The following SLC45A1 variants were observed in gnomAD, a reference collection of about 807,000 sequenced individuals.
The protein encoded by SLC45A1 is solute carrier family 45 member 1.
In SLC45A1, 28 loss-of-function variants were observed where a neutral mutation model predicts 57.6. The ratio of observed to expected loss-of-function variants is 0.49; its 90% CI spans 0.36 to 0.67. The LOEUF (loss-of-function observed/expected upper bound fraction) is 0.67. SLC45A1 is among the 30% of genes least tolerant of loss of function. The pLI is 0.00. For missense variants in SLC45A1, 814 were observed against 1,041.5 expected (o/e 0.78, Z 3.01); for synonymous variants, 459 against 471.5 (o/e 0.97, Z 0.34).
rs1640224966 is a variant in SLC45A1 at position 8,327,061 on chromosome 1, G to A, written c.715+1019G>A. Among the ~76,000 whole-genome samples the A allele has an allele frequency of 6.6e-6, 1 of 152,228 alleles. No homozygotes were observed. Among genetic ancestry groups the A allele is most frequent in the South Asian group, 2.1e-4 (1 of 4,830 alleles). ...GAGAAGGCAGAGCTCAGCCCTGCGGGGCCTCAGCTGGATCACGCACCCTTG... is the reference window on the plus strand; with the variant it reads ...GAGAAGGCAGAGCTCAGCCCTGCGGAGCCTCAGCTGGATCACGCACCCTTG... On this transcript the variant is annotated intron_variant, in intron 4 of 8. Coordinates refer to ENST00000471889, the MANE Select transcript of SLC45A1 (RefSeq NM_001080397.3). This position sits in a 1 kb window ranked among gnomAD's most constrained non-coding sequence, Gnocchi z 4.3.
At chr1:8,331,705 G>T (rs1640416258) in intron 5 of SLC45A1, among the ~76,000 whole-genome samples, 1 of 152,182 alleles carries the variant, frequency 6.6e-6, no homozygotes, top group African/African-American at 2.4e-5. Flanking sequence ...AACAAGTTCT[G>T]GGCCTGAGTC....
In SLC45A1 at chr1:8,325,793, G is replaced by A. The variant is rs1342233207; in HGVS notation, c.491-25G>A. On this transcript the variant is annotated intron_variant, in intron 3 of 8. Coordinates refer to ENST00000471889, the MANE Select transcript of SLC45A1 (RefSeq NM_001080397.3). This position sits in a 1 kb window ranked among gnomAD's most constrained non-coding sequence, Gnocchi z 6.3. ...ACAGAGCTGGTCTGCATTTTCTTGG[G>A]GTGACTTTGTTTCTCTGTGTCCAGG... 1.2e-6 allele frequency: 2 copies of A among 1,603,870 alleles called. No homozygotes were observed. The highest frequency in any genetic ancestry group is 1.3e-5 in the African/African-American group (1 of 74,784).
chr1:8,335,411 A>G lies in SLC45A1; in HGVS notation c.1444-26A>G. ...TGTGTGATGGGGGTGCGGGGCTCTG[A>G]TGAGGGGTTTGTGGGCTCTTCCCAG... On this transcript the variant is annotated intron_variant, in intron 5 of 8. Transcript: ENST00000471889. The surrounding 1 kb of genome is among the most constrained non-coding windows in gnomAD (Gnocchi z 4.1). The G allele has an allele frequency of 6.4e-7, 1 of 1,566,200 alleles. No individual in the cohort carries two copies.
In SLC45A1 at chr1:8,327,780, C is replaced by T. The variant is rs984504935; in HGVS notation, c.715+1738C>T. Among the ~76,000 whole-genome samples the T allele has an allele frequency of 5.3e-5, 8 of 152,158 alleles. No individual in the cohort carries two copies. Among genetic ancestry groups the T allele is most frequent in the Admixed American group, 2.6e-4 (4 of 15,274 alleles). Reference sequence around the variant, plus strand: ...GCGTGGTGGCTCATGCCTGTAACCCCAGCACTTTGAGAGGCTGAAGTGGGT... The same window carrying T: ...GCGTGGTGGCTCATGCCTGTAACCCTAGCACTTTGAGAGGCTGAAGTGGGT... On this transcript the variant is annotated intron_variant, in intron 4 of 8. Coordinates refer to ENST00000471889, the MANE Select transcript of SLC45A1 (RefSeq NM_001080397.3). This position sits in a 1 kb window ranked among gnomAD's most constrained non-coding sequence, Gnocchi z 4.3.
rs1206580129 is a variant in SLC45A1, at chr1:8,325,040, G to C, written c.398-258G>C. Among the ~76,000 whole-genome samples, 3 of 152,134 alleles carry C rather than the reference G, an allele frequency of 2.0e-5. No individual in the cohort carries two copies. The highest frequency in any genetic ancestry group is 7.2e-5 in the African/African-American group (3 of 41,418). On this transcript the variant is annotated intron_variant, in intron 2 of 8. Transcript: ENST00000471889. The surrounding 1 kb of genome is among the most constrained non-coding windows in gnomAD (Gnocchi z 6.3). ...AGCCTGGAAGGTCCTGAAATTTCTT[G>C]GATTCCCAAGGAAAGTCGTGGCTGC...
In SLC45A1 at chr1:8,328,018, G is replaced by A. The variant is rs1351778182; in HGVS notation, c.715+1976G>A. On this transcript the variant is annotated intron_variant, in intron 4 of 8. Transcript: ENST00000471889. This position sits in a 1 kb window ranked among gnomAD's most constrained non-coding sequence, Gnocchi z 4.6. Reference sequence around the variant, plus strand: ...TGCACTCCAGCCTGAGCAACAGAGTGAGACTTCATCTCAAAATAAATAAAT... The same window carrying A: ...TGCACTCCAGCCTGAGCAACAGAGTAAGACTTCATCTCAAAATAAATAAAT... 3 of 152,294 alleles carry A rather than the reference G, an allele frequency of 2.0e-5. No homozygotes were observed. The highest frequency in any genetic ancestry group is 4.4e-5 in the Non-Finnish European group (3 of 68,046). The allele number at this position is 152,294 out of a possible 1,614,324, so 9.4% of individuals were successfully genotyped here.
At chr1:8,324,911 G>A (rs1411926507) in intron 2 of SLC45A1, among the ~76,000 whole-genome samples, 185 bp downstream of exon 2, 1 of 152,160 alleles carries the variant, frequency 6.6e-6, no homozygotes, top group Non-Finnish European at 1.5e-5. Flanking sequence ...CTTATCGAAA[G>A]CAGACAATAG....
At chr1:8,337,283 G>A (rs939204406) in intron 6 of SLC45A1, among the ~76,000 whole-genome samples, 2 of 152,180 alleles carry the variant, frequency 1.3e-5, no homozygotes, top group South Asian at 2.1e-4. Context: ...GCATGGGAAA[G>A]ACCCAACCCC....
At chr1:8,333,492 G>C (rs12132571) in intron 5 of SLC45A1, among the ~76,000 whole-genome samples, 1,646 of 152,216 alleles carry the variant, frequency 0.011, 15 homozygotes, top group South Asian at 0.034. Flanking sequence ...CTGGAGTGCG[G>C]TGGTGCATTC....
In SLC45A1 at chr1:8,326,512, G is replaced by A. The variant is rs945306419; in HGVS notation, c.715+470G>A. 2.2e-4 allele frequency among the ~76,000 whole-genome samples: 33 copies of A among 152,140 alleles called. No homozygotes were observed. Among genetic ancestry groups the A allele is most frequent in the African/African-American group, 6.0e-4 (25 of 41,420 alleles). On this transcript the variant is annotated intron_variant, in intron 4 of 8. Transcript: ENST00000471889. This position sits in a 1 kb window ranked among gnomAD's most constrained non-coding sequence, Gnocchi z 5.5. ...TAACATTGAATTGACGGCCGACAGCGCTGCAACTCAAGCCTGAACGAAGCG... is the reference window on the plus strand; with the variant it reads ...TAACATTGAATTGACGGCCGACAGCACTGCAACTCAAGCCTGAACGAAGCG...
In SLC45A1 at chr1:8,330,569, C is replaced by T. The variant is rs372616601; in HGVS notation, c.1076C>T (p.Thr359Met). 22 of 1,613,314 alleles carry T rather than the reference C, an allele frequency of 1.4e-5. No individual in the cohort carries two copies. Among genetic ancestry groups the T allele is most frequent in the African/African-American group, 4.0e-5 (3 of 74,940 alleles). The change falls in exon 5 of 9, where the codon ACG (threonine) becomes ATG (methionine). Residue 359 changes from threonine to methionine, a missense_variant. By Grantham distance (81) the Thr-to-Met change is moderately conservative. Coordinates refer to ENST00000471889, the MANE Select transcript of SLC45A1 (RefSeq NM_001080397.3). This position sits in a 1 kb window ranked among gnomAD's most constrained non-coding sequence, Gnocchi z 8.4. The stretch of plus-strand genomic sequence containing the variant: ...TTCATCAGCAGGGACAGCTCCCTGA[C>T]GGGCATCAGCGAGTTCGCCTCATCC... ...GSFISRDSSL[T>M]GISEFASSFG... is the part of the protein sequence containing the mutation.
chr1:8,319,178 G>A (rs1318832249), intron 1 of SLC45A1, among the ~76,000 whole-genome samples: 1 of 152,216 alleles, frequency 6.6e-6, no homozygotes, highest in Non-Finnish European at 1.5e-5. Context: ...TACTTGGGAA[G>A]CTGAGGCAGG....
At position 8,326,941 on chromosome 1, in the gene SLC45A1, T is replaced by C. The variant is rs1022123184; in HGVS notation, c.715+899T>C. Among the ~76,000 whole-genome samples, 5 of 152,148 alleles carry C rather than the reference T, an allele frequency of 3.3e-5. No homozygotes were observed. Among genetic ancestry groups the C allele is most frequent in the Admixed American group, 6.5e-5 (1 of 15,280 alleles). ...GTTGCAGTGAACTGAGATCGCACTA[T>C]TGCACTCCAGCCTGGGCAACAAGAG... On this transcript the variant is annotated intron_variant, in intron 4 of 8. Coordinates refer to ENST00000471889, the MANE Select transcript of SLC45A1 (RefSeq NM_001080397.3). The surrounding 1 kb of genome is among the most constrained non-coding windows in gnomAD (Gnocchi z 5.5).
chr1:8,323,700 A>G (rs948489960), intron 1 of SLC45A1, among the ~76,000 whole-genome samples: 1 of 152,176 alleles, frequency 6.6e-6, no homozygotes, highest in African/African-American at 2.4e-5. Flanking sequence ...TGCTGAAGGA[A>G]AAGGGTTTGT....
intron 8 of SLC45A1, 142 bp downstream of exon 8, chr1:8,339,840 G>GGGCC: frequency 1.3e-6 from 1 of 799,954 alleles, no homozygotes; most frequent in South Asian, 1.6e-5. Context: ...AAACCAAGGG[G>GGGCC]GGCCCTTCTG....
In SLC45A1 at chr1:8,325,474, G is replaced by GTTGA; in HGVS notation, c.490+85_490+88dup. The stretch of plus-strand genomic sequence containing the variant: ...TCCTTTTAGGAAAATTTTAAAAAAT[G>GTTGA]TTGACCAAAGCAGTTACCCAGATAG... On this transcript the variant is annotated intron_variant, in intron 3 of 8. Transcript: ENST00000471889. The surrounding 1 kb of genome is among the most constrained non-coding windows in gnomAD (Gnocchi z 6.3). The GTTGA allele has an allele frequency of 9.8e-7, 1 of 1,023,724 alleles. No homozygotes were observed. The highest frequency in any genetic ancestry group is 1.4e-5 in the South Asian group (1 of 70,384). The allele number at this position is 1,023,724 out of a possible 1,614,324, so 63.4% of individuals were successfully genotyped here.
rs892061324 is a variant in SLC45A1, at chr1:8,330,043, G to A, written c.716-166G>A. 10 of 853,040 alleles carry A rather than the reference G, an allele frequency of 1.2e-5. No homozygotes were observed. The highest frequency in any genetic ancestry group is 6.9e-5 in the African/African-American group (4 of 58,326). 52.8% of individuals were successfully genotyped at this position (853,040 alleles called of 1,614,324 possible). On this transcript the variant is annotated intron_variant, in intron 4 of 8. Transcript: ENST00000471889. The surrounding 1 kb of genome is among the most constrained non-coding windows in gnomAD (Gnocchi z 8.4). ...GGAGGGGGACCTCCTCAAGGGGCCC[G>A]CCCTGGGAATCCTGTCCCATTTTGT...
At chr1:8,341,983 G>A (rs546530336) in intron 8 of SLC45A1, among the ~76,000 whole-genome samples, 86 of 152,248 alleles carry the variant, frequency 5.6e-4, no homozygotes, top group African/African-American at 1.9e-3. Flanking sequence ...CAAGGAGGGT[G>A]GATCACGAGG....
At position 8,339,611 on chromosome 1, in the gene SLC45A1, G is replaced by A; in HGVS notation, c.1893G>A (p.Leu631=). The part of the protein sequence containing the change: ...ATLSRNLYVV[L]SLCITYGILF... The stretch of plus-strand genomic sequence containing the variant: ...TCTCCAGGAACCTCTACGTGGTCCT[G>A]TCGCTCTGCATAACCTACGGGATTT... Residue 631 remains leucine, a synonymous_variant, in exon 8 of 9, where the codon CTG becomes CTA. Coordinates refer to ENST00000471889, the MANE Select transcript of SLC45A1 (RefSeq NM_001080397.3). 6.2e-7 allele frequency: 1 copy of A among 1,614,242 alleles called. No homozygotes were observed. Among genetic ancestry groups the A allele is most frequent in the Non-Finnish European group, 8.5e-7 (1 of 1,180,038 alleles).
Sources: allele counts gnomAD v4.1 joint callset (sites outside exome capture counted in the v4.1 genomes callset), GRCh38; gene constraint gnomAD v4.1.1; non-coding constraint Gnocchi (gnomAD v3.1); transcripts MANE v1.5; gene names NCBI Gene and HGNC (gene_info 2026-07-23, HGNC 2026-07-21).